The following ABCA13 variants were observed in gnomAD, a reference collection of about 807,000 sequenced individuals.
The protein encoded by ABCA13 is ATP binding cassette subfamily A member 13, also known as ATP-binding cassette sub-family A member 13.
A neutral mutation model predicts 478.7 loss-of-function variants in ABCA13; 476 were observed. The ratio of observed to expected loss-of-function variants is 0.99; its 90% CI spans 0.92 to 1.07. ABCA13 has a LOEUF of 1.07. Among genes scored for constraint, ABCA13 ranks in the 50% least tolerant of loss-of-function variants. The pLI is 0.00. For missense variants in ABCA13, 6,060 were observed against 5,910.6 expected (o/e 1.03, Z -0.83); for synonymous variants, 2,252 against 2,158.9 (o/e 1.04, Z -1.20).
chr7:48,469,282 A>G (rs143860599), intron 44 of ABCA13, among the ~76,000 whole-genome samples: 1 of 152,322 alleles, frequency 6.6e-6, no homozygotes, highest in East Asian at 1.9e-4. Flanking sequence ...AAAAGGTGGG[A>G]TCTTCAGAGC....
intron 37 of ABCA13, among the ~76,000 whole-genome samples, chr7:48,390,239 A>G (rs865819120): frequency 6.6e-6 from 1 of 152,220 alleles, no homozygotes; most frequent in Admixed American, 6.5e-5. Flanking sequence ...TAGATGATTT[A>G]AAGTTCAATG....
Position 48,211,066 on chromosome 7 carries a change from C to T in ABCA13, c.288-8288C>T, listed in dbSNP as rs1284946416. Among the ~76,000 whole-genome samples the T allele has an allele frequency of 1.4e-4, 22 of 152,236 alleles. No individual in the cohort carries two copies. The East Asian group carries it at 2.1e-3, about 15-fold the overall frequency. On this transcript the variant is annotated intron_variant, in intron 3 of 61. Coordinates refer to ENST00000435803, the MANE Select transcript of ABCA13 (RefSeq NM_152701.5). ...ATATTATTATATTTATATTACATTT[C>T]GCTGTCTGAGAGGTCACATATCTCT...
chr7:48,356,659 C>T (rs1247424594), intron 31 of ABCA13, among the ~76,000 whole-genome samples: 3 of 151,910 alleles, frequency 2.0e-5, no homozygotes, highest in African/African-American at 7.3e-5. Context: ...TATCTACCAG[C>T]AGCTCATGGA....
chr7:48,410,506 G>A lies in ABCA13; in HGVS notation c.12071-14G>A. The A allele has an allele frequency of 6.2e-7, 1 of 1,613,986 alleles. No individual in the cohort carries two copies. Among genetic ancestry groups the A allele is most frequent in the Non-Finnish European group, 8.5e-7 (1 of 1,179,858 alleles). Reference sequence around the variant, plus strand: ...TGTCCTCCTGGTGCTGATGCACCCTGTGCTTGGACCCAGGTCGTACGATCA... The same window carrying A: ...TGTCCTCCTGGTGCTGATGCACCCTATGCTTGGACCCAGGTCGTACGATCA... On this transcript the variant is annotated splice_polypyrimidine_tract_variant and intron_variant, in intron 39 of 61. Coordinates refer to ENST00000435803, the MANE Select transcript of ABCA13 (RefSeq NM_152701.5).
At chr7:48,245,830 T>C (rs761785343) in intron 12 of ABCA13, 33 bp from the exon 13 acceptor site, 1 of 1,587,144 alleles carries the variant, frequency 6.3e-7, no homozygotes, top group Non-Finnish European at 8.6e-7. Flanking sequence ...CCTCTTTAAA[T>C]GTTACTCCTT....
At chr7:48,207,834 T>C (rs1038976003) in intron 3 of ABCA13, among the ~76,000 whole-genome samples, 4 of 152,174 alleles carry the variant, frequency 2.6e-5, no homozygotes, top group African/African-American at 9.7e-5. Flanking sequence ...ATTTTTACTT[T>C]TGTTGTCTGT....
At chr7:48,358,398 T>C (rs183367072) in intron 31 of ABCA13, among the ~76,000 whole-genome samples, 2 of 151,846 alleles carry the variant, frequency 1.3e-5, no homozygotes, top group Admixed American at 1.3e-4. Context: ...GACCAGTGTA[T>C]GTTTAGTGCC....
At chr7:48,263,217 G>A (rs948498657) in intron 15 of ABCA13, among the ~76,000 whole-genome samples, 2 of 151,874 alleles carry the variant, frequency 1.3e-5, no homozygotes, top group African/African-American at 2.4e-5. Context: ...TGTAAGCACA[G>A]GAAAGTTTGA....
chr7:48,348,491 A>G (rs1563096058), intron 29 of ABCA13, among the ~76,000 whole-genome samples: 3 of 152,068 alleles, frequency 2.0e-5, no homozygotes, highest in Non-Finnish European at 4.4e-5. Flanking sequence ...GGCTTGAGCT[A>G]TTTTCTTCTC....
In ABCA13 at chr7:48,645,612, ACT is replaced by A. The variant is rs1403845372; in HGVS notation, c.*104_*105del. 1 of 925,948 alleles carries A rather than the reference ACT, an allele frequency of 1.1e-6. No individual in the cohort carries two copies. The highest frequency in any genetic ancestry group is 1.7e-6 in the Non-Finnish European group (1 of 605,428). The allele number at this position is 925,948 out of a possible 1,614,324, so 57.4% of individuals were successfully genotyped here. A position where few individuals can be genotyped will look rare whatever the true frequency, so the allele number is the denominator to read the frequency against. ...GCGCACAATCAAGGAGCTGGAACACACTCTCCAGGCCGTCAAATTATTCTCTT... is the reference window on the plus strand; with the variant it reads ...GCGCACAATCAAGGAGCTGGAACACACTCCAGGCCGTCAAATTATTCTCTT... On this transcript the variant is annotated 3_prime_UTR_variant, in exon 62 of 62. Coordinates refer to ENST00000435803, the MANE Select transcript of ABCA13 (RefSeq NM_152701.5).
intron 55 of ABCA13, among the ~76,000 whole-genome samples, chr7:48,545,919 G>T (rs1326508789): frequency 1.3e-5 from 2 of 151,824 alleles, no homozygotes; most frequent in African/African-American, 4.8e-5. Flanking sequence ...CTGAACAAAA[G>T]AATAGAGACA....
chr7:48,336,379 A>T (rs1300850566), intron 28 of ABCA13, among the ~76,000 whole-genome samples: 2 of 152,164 alleles, frequency 1.3e-5, no homozygotes, highest in African/African-American at 4.8e-5. Flanking sequence ...ATTTTGGGAG[A>T]TAGCTGCTGA....
chr7:48,261,278 C>T (rs1584490431), intron 15 of ABCA13, among the ~76,000 whole-genome samples: 1 of 151,920 alleles, frequency 6.6e-6, no homozygotes, highest in African/African-American at 2.4e-5. Context: ...TTGATAAACT[C>T]CTTAGATAAA....
At chr7:48,175,416 T>C (rs36158627) in intron 1 of ABCA13, among the ~76,000 whole-genome samples, 79,936 of 151,802 alleles carry the variant, frequency 0.53, 21,349 homozygotes, top group Admixed American at 0.63. Flanking sequence ...TGAAGCTATA[T>C]GATATATTAT....
At chr7:48,362,547 G>A (rs1244166761) in intron 31 of ABCA13, among the ~76,000 whole-genome samples, 1 of 148,326 alleles carries the variant, frequency 6.7e-6, no homozygotes, top group Non-Finnish European at 1.5e-5. Flanking sequence ...TCTTATATAT[G>A]TGGCCTTAAT....
At position 48,524,314 on chromosome 7, in the gene ABCA13, G is replaced by C. The variant is rs751847923; in HGVS notation, c.14118G>C (p.Lys4706Asn). ...SKDTDVEKEE[K>N]RVFEGRTNGD... ...ATACAGATGTTGAAAAAGAGGAAAA[G>C]AGAGTGTTTGAAGGAAGGACCAATG... The change falls in exon 54 of 62, where the codon AAG becomes AAC. Residue 4706 changes from lysine to asparagine, a missense_variant. Lys to Asn is a moderately conservative substitution (Grantham distance 94). Around this residue, in one of 3 missense-constraint regions of ABCA13, gnomAD observed 1,627 missense variants for 1,571.0 expected, o/e 1.04. Transcript: ENST00000435803. 6.2e-6 allele frequency: 10 copies of C among 1,613,096 alleles called. No homozygotes were observed. Among genetic ancestry groups the C allele is most frequent in the Non-Finnish European group, 8.5e-6 (10 of 1,179,510 alleles).
chr7:48,572,273 T>G (rs2131325993), intron 55 of ABCA13, among the ~76,000 whole-genome samples: 1 of 152,286 alleles, frequency 6.6e-6, no homozygotes, highest in East Asian at 1.9e-4. Context: ...AAAGTTCTTT[T>G]ATATTTTCCT....
At chr7:48,333,722 G>T (rs1034568414) in intron 27 of ABCA13, among the ~76,000 whole-genome samples, 5 of 152,164 alleles carry the variant, frequency 3.3e-5, no homozygotes, top group Non-Finnish European at 5.9e-5. Flanking sequence ...GGACAGATGA[G>T]ATTTCTCCAG....
At chr7:48,636,520 C>G (rs1586059425) in intron 59 of ABCA13, among the ~76,000 whole-genome samples, 1 of 152,288 alleles carries the variant, frequency 6.6e-6, no homozygotes, top group East Asian at 1.9e-4. Context: ...CTCAAGGGTT[C>G]TATGAACTCC....
Sources: allele counts gnomAD v4.1 joint callset (sites outside exome capture counted in the v4.1 genomes callset), GRCh38; gene constraint gnomAD v4.1.1; regional missense constraint gnomAD v4.1.1; transcripts MANE v1.5; gene names NCBI Gene and HGNC (gene_info 2026-07-23, HGNC 2026-07-21).